INPP4B: variants seen among roughly 807,000 people sequenced by gnomAD.
INPP4B encodes the protein inositol polyphosphate 4-phosphatase type II.
A neutral mutation model predicts 122.5 loss-of-function variants in INPP4B; 55 were observed. The ratio of observed to expected loss-of-function variants is 0.45; its 90% CI spans 0.36 to 0.56. The LOEUF is 0.56. Ranked by LOEUF, INPP4B falls within the 20% of genes least tolerant of loss-of-function variation. The probability of loss-of-function intolerance (pLI) is 0.00; values close to 1 mark genes in which losing one functional copy is unlikely to be tolerated. For synonymous variants in INPP4B, 403 were observed against 388.7 expected (o/e 1.04, Z -0.43); for missense variants, 1,000 against 1,097.7 (o/e 0.91, Z 1.26).
intron 3 of INPP4B, among the ~76,000 whole-genome samples, chr4:142,449,491 C>T (rs1813671033): frequency 6.6e-6 from 1 of 152,010 alleles, no homozygotes; most frequent in Admixed American, 6.6e-5. Flanking sequence ...ATCATGAGGT[C>T]AAGAGATTGA....
At chr4:142,365,445 T>G (rs747746842) in intron 7 of INPP4B, among the ~76,000 whole-genome samples, 3 of 152,142 alleles carry the variant, frequency 2.0e-5, no homozygotes, top group Admixed American at 6.6e-5. Flanking sequence ...TCATAAGTAA[T>G]AGGTGGAATA....
intron 1 of INPP4B, among the ~76,000 whole-genome samples, chr4:142,756,827 G>T (rs1770586837): frequency 6.6e-6 from 1 of 151,964 alleles, no homozygotes; most frequent in South Asian, 2.1e-4. Flanking sequence ...TGATAATATA[G>T]AATAATGTCT....
intron 2 of INPP4B, among the ~76,000 whole-genome samples, chr4:142,705,330 CCA>C (rs1412022766): frequency 6.6e-6 from 1 of 152,058 alleles, no homozygotes; most frequent in East Asian, 1.9e-4. Context: ...GTATCATCTC[CCA>C]CAGACTGACT....
At chr4:142,362,923 C>A (rs986961600) in intron 7 of INPP4B, among the ~76,000 whole-genome samples, 1 of 151,960 alleles carries the variant, frequency 6.6e-6, no homozygotes, top group Non-Finnish European at 1.5e-5. Flanking sequence ...CAATGGAAGC[C>A]CAAATCTCAG....
At chr4:142,284,855 G>A (rs773152355) in intron 9 of INPP4B, among the ~76,000 whole-genome samples, 11 of 152,108 alleles carry the variant, frequency 7.2e-5, no homozygotes, top group Non-Finnish European at 1.2e-4. Flanking sequence ...GCGAAACTCT[G>A]GGCTTAGCCA....
At chr4:142,489,642 C>T (rs1377666699) in intron 2 of INPP4B, among the ~76,000 whole-genome samples, 1 of 152,166 alleles carries the variant, frequency 6.6e-6, no homozygotes, top group African/African-American at 2.4e-5. Context: ...GATCTGCCTG[C>T]CTCGGCCTCC....
chr4:142,358,252 T>A (rs939938739), intron 7 of INPP4B, among the ~76,000 whole-genome samples: 3 of 152,012 alleles, frequency 2.0e-5, no homozygotes, highest in South Asian at 2.1e-4. Context: ...AGGAATTTTT[T>A]AAAAATACAT....
At chr4:142,567,588 T>C (rs1464922981) in intron 2 of INPP4B, among the ~76,000 whole-genome samples, 1 of 152,262 alleles carries the variant, frequency 6.6e-6, no homozygotes, top group East Asian at 1.9e-4. Flanking sequence ...GTTGAATAAA[T>C]ATATGCTGAA....
chr4:142,343,227 T>C (rs1318143103), intron 7 of INPP4B, among the ~76,000 whole-genome samples: 2 of 152,080 alleles, frequency 1.3e-5, no homozygotes, highest in African/African-American at 4.8e-5. Flanking sequence ...TGTAAAACAA[T>C]TTTATGGTCT....
chr4:142,448,947 AC>A (rs1447072978), intron 3 of INPP4B, among the ~76,000 whole-genome samples: 42 of 152,190 alleles, frequency 2.8e-4, no homozygotes, highest in Non-Finnish European at 3.7e-4. Flanking sequence ...GAGACCCCTG[AC>A]CAGGCAGAAG....
intron 9 of INPP4B, among the ~76,000 whole-genome samples, chr4:142,288,693 C>T (rs1368516665): frequency 6.6e-6 from 1 of 151,536 alleles, no homozygotes; most frequent in East Asian, 1.9e-4. Flanking sequence ...TTTCTTCTCT[C>T]TCATCCTTTC....
intron 2 of INPP4B, among the ~76,000 whole-genome samples, chr4:142,663,256 GA>G (rs1755508476): frequency 1.3e-5 from 2 of 151,878 alleles, no homozygotes; most frequent in South Asian, 4.1e-4. Flanking sequence ...GGTCACGTCA[GA>G]AAAAAAGTTA....
At chr4:142,652,738 C>T (rs1242895305) in intron 2 of INPP4B, among the ~76,000 whole-genome samples, 1 of 152,180 alleles carries the variant, frequency 6.6e-6, no homozygotes, top group Non-Finnish European at 1.5e-5. Flanking sequence ...GAAGAACATT[C>T]CATGCTCATG....
intron 2 of INPP4B, among the ~76,000 whole-genome samples, chr4:142,495,712 T>C (rs1474988801): frequency 6.6e-6 from 1 of 152,074 alleles, no homozygotes; most frequent in African/African-American, 2.4e-5. Context: ...ATGATAAAGG[T>C]GAGAATAATT....
At chr4:142,545,594 C>T (rs961568420) in intron 2 of INPP4B, among the ~76,000 whole-genome samples, 1 of 151,840 alleles carries the variant, frequency 6.6e-6, no homozygotes, top group African/African-American at 2.4e-5. Flanking sequence ...CTCTAGTTCT[C>T]AGAAAGCCTC....
chr4:142,293,253 T>C (rs2636633), intron 9 of INPP4B, among the ~76,000 whole-genome samples: 81,563 of 151,714 alleles, frequency 0.54, 26,258 homozygotes, highest in Non-Finnish European at 0.7. Flanking sequence ...TTGGCCAGGC[T>C]GGTCTCAAAC....
At position 142,725,915 on chromosome 4, in the gene INPP4B, GA is replaced by G. The variant is rs1409551345; in HGVS notation, c.-253-15del. The stretch of plus-strand genomic sequence containing the variant: ...TTTCTTTGTATTCTACGGGAAAAGA[GA>G]AAGAAGATTAATAAAAACAACCTTT... On this transcript the variant is annotated splice_polypyrimidine_tract_variant and intron_variant, in intron 1 of 25. Transcript: ENST00000262992. 3 of 397,712 alleles carry G rather than the reference GA, an allele frequency of 7.5e-6. No homozygotes were observed. Among genetic ancestry groups the G allele is most frequent in the Non-Finnish European group, 1.3e-5 (3 of 225,596 alleles). 24.6% of individuals were successfully genotyped at this position (397,712 alleles called of 1,614,324 possible). A position where few individuals can be genotyped will look rare whatever the true frequency, so the allele number is the denominator to read the frequency against.
intron 2 of INPP4B, among the ~76,000 whole-genome samples, chr4:142,580,520 C>A (rs1263069257): frequency 6.6e-6 from 1 of 151,980 alleles, no homozygotes; most frequent in East Asian, 1.9e-4. Flanking sequence ...GAATTAAAGA[C>A]TTCACACGAC....
intron 1 of INPP4B, among the ~76,000 whole-genome samples, chr4:142,779,526 T>TCC (rs1462327503): frequency 6.6e-6 from 1 of 152,082 alleles, no homozygotes; most frequent in African/African-American, 2.4e-5. Context: ...TTTCTACAAA[T>TCC]CCATGACTCG....
Sources: gnomAD v4.1 joint callset for allele counts (sites outside exome capture counted in the v4.1 genomes callset) on GRCh38, gnomAD v4.1.1 for gene constraint, MANE v1.5 for transcripts, NCBI Gene and HGNC (gene_info 2026-07-23, HGNC 2026-07-21) for gene names.